The following PRR5 variants were observed in gnomAD, a reference collection of about 807,000 sequenced individuals.
The protein encoded by PRR5 is proline-rich protein 5.
A neutral mutation model predicts 30.6 loss-of-function variants in PRR5; 25 were observed. The ratio of observed to expected loss-of-function variants is 0.82; its 90% CI spans 0.60 to 1.14. The LOEUF is 1.14. Ranked by LOEUF, PRR5 falls within the 50% of genes most tolerant of loss-of-function variation. The pLI is 0.00. For synonymous variants in PRR5, 286 were observed against 247.1 expected (o/e 1.16, Z -1.48); for missense variants, 600 against 547.1 (o/e 1.10, Z -0.96).
chr22:44,719,966 C>T (rs1160857675), intron 2 of PRR5, among the ~76,000 whole-genome samples: 1 of 152,186 alleles, frequency 6.6e-6, no homozygotes, highest in Non-Finnish European at 1.5e-5. Flanking sequence ...CCAGGTATAC[C>T]CAGGCTGTCC....
chr22:44,674,657 G>C (rs136917), upstream of PRR5, among the ~76,000 whole-genome samples: 995 of 151,708 alleles, frequency 6.6e-3, 8 homozygotes, highest in Non-Finnish European at 0.01. Context: ...GGAGGCGGAG[G>C]TTGCAGTGAG....
chr22:44,706,573 G>A (rs1398529521), intron 1 of PRR5, among the ~76,000 whole-genome samples: 2 of 152,148 alleles, frequency 1.3e-5, no homozygotes, highest in East Asian at 1.9e-4. Context: ...TCTGTCACCC[G>A]GGCTGGAGTA....
At chr22:44,726,076 C>T (rs1920940557) in intron 3 of PRR5, among the ~76,000 whole-genome samples, 1 of 152,202 alleles carries the variant, frequency 6.6e-6, no homozygotes, top group Admixed American at 6.5e-5. Context: ...TGCTTCATTT[C>T]TTTGTGTGGA....
In PRR5 at chr22:44,736,864, C is replaced by G; in HGVS notation, c.784C>G (p.Pro262Ala). ...GAGCTACAACACGCCTCTGCTGAACCCCGTGCAGGAGCACGAGGCGGAGGG... is the reference window on the plus strand; with the variant it reads ...GAGCTACAACACGCCTCTGCTGAACGCCGTGCAGGAGCACGAGGCGGAGGG... ...SKSYNTPLLN[P>A]VQEHEAEGAA... The change falls in exon 8 of 8, where the codon CCC becomes GCC. Residue 262 changes from proline to alanine, a missense_variant. Pro to Ala is a conservative substitution (Grantham distance 27). Transcript: ENST00000336985. 2 of 1,609,298 alleles carry G rather than the reference C, an allele frequency of 1.2e-6. No homozygotes were observed. The highest frequency in any genetic ancestry group is 1.1e-5 in the South Asian group (1 of 90,922).
chr22:44,726,747 C>T lies in PRR5; in HGVS notation c.322+113C>T, dbSNP rs750672650. ...GGGTGCAAGGTGTGGCTCTCTGGTC[C>T]GGAGGGCTTGGAAGGAACACGTATA... On this transcript the variant is annotated intron_variant, in intron 4 of 7. Transcript: ENST00000336985. 191 of 1,515,808 alleles carry T rather than the reference C, an allele frequency of 1.3e-4. No homozygotes were observed. The East Asian group carries it at 1.4e-3, about 11-fold the overall frequency. The allele number at this position is 1,515,808 out of a possible 1,614,324, so 93.9% of individuals were successfully genotyped here. A position where few individuals can be genotyped will look rare whatever the true frequency, so the allele number is the denominator to read the frequency against.
At chr22:44,692,475 G>C (rs1397077508) in intron 1 of PRR5, among the ~76,000 whole-genome samples, 1 of 117,664 alleles carries the variant, frequency 8.5e-6, no homozygotes, top group African/African-American at 3.1e-5. Flanking sequence ...TCTTCCTCCC[G>C]GGGGCTCCTC....
upstream of PRR5, chr22:44,702,159 G>A (rs1306283526): frequency 1.4e-5 from 4 of 288,262 alleles, no homozygotes; most frequent in Non-Finnish European, 2.1e-5. Context: ...CCCGCCCCCC[G>A]GGGCGCCGAG....
At chr22:44,682,133 G>A (rs115948679) in intron 1 of PRR5, among the ~76,000 whole-genome samples, 1 of 152,184 alleles carries the variant, frequency 6.6e-6, no homozygotes, top group Admixed American at 6.5e-5. Flanking sequence ...AGCCCAATGA[G>A]GCAGGGAGGC....
intron 2 of PRR5, among the ~76,000 whole-genome samples, chr22:44,717,510 C>A (rs1221884794): frequency 1.3e-5 from 2 of 151,856 alleles, no homozygotes; most frequent in African/African-American, 4.8e-5. Context: ...ATTTTCATCA[C>A]CCCAGCAAGA....
At chr22:44,725,199 G>A (rs1930493500) in intron 2 of PRR5, 45 bp from the exon 3 acceptor site, 2 of 1,610,302 alleles carry the variant, frequency 1.2e-6, no homozygotes, top group East Asian at 4.5e-5. Context: ...CCATGCCAGT[G>A]CCGTGTGGTC....
intron 1 of PRR5, among the ~76,000 whole-genome samples, chr22:44,692,202 C>G (rs1478283570): frequency 7.1e-6 from 1 of 140,982 alleles, no homozygotes; most frequent in Non-Finnish European, 1.6e-5. Context: ...CTCCTCCTCC[C>G]ACGCTCCTCC....
At chr22:44,689,647 G>A (rs1381999163) in intron 1 of PRR5, among the ~76,000 whole-genome samples, 1 of 151,900 alleles carries the variant, frequency 6.6e-6, no homozygotes, top group East Asian at 1.9e-4. Context: ...TCATCTCAGA[G>A]TTTTGTTTTG....
chr22:44,725,292 G>A lies in PRR5; in HGVS notation c.264G>A (p.Gln88=). The A allele has an allele frequency of 6.2e-7, 1 of 1,613,390 alleles. No homozygotes were observed. Among genetic ancestry groups the A allele is most frequent in the Non-Finnish European group, 8.5e-7 (1 of 1,179,978 alleles). Residue 88 remains glutamine (Q), a splice_region_variant and synonymous_variant, in exon 3 of 8, where the codon CAG becomes CAA. Transcript: ENST00000336985. ...ELGSFFTEYL[Q]NQLLTKGMVI... ...GGTCCTTCTTCACGGAGTACCTGCA[G>A]GTAGGTGGGTCTTGCTCCAGCCAGG... is the stretch of plus-strand genomic sequence containing the variant.
intron 1 of PRR5, among the ~76,000 whole-genome samples, chr22:44,693,920 C>T (rs6007246): frequency 0.036 from 5,390 of 151,550 alleles, 131 homozygotes; most frequent in Non-Finnish European, 0.049. Context: ...TGAGCCACTG[C>T]GCCCTGCCCA....
At chr22:44,714,789 G>T in intron 2 of PRR5, 118 bp downstream of exon 2, 2 of 1,336,440 alleles carry the variant, frequency 1.5e-6, no homozygotes, top group East Asian at 2.5e-5. Flanking sequence ...TCCTCCCCTA[G>T]AGGCCATCTG....
At chr22:44,730,583 T>A in intron 4 of PRR5, 1 of 989,410 alleles carries the variant, frequency 1.0e-6, no homozygotes, top group South Asian at 4.6e-5. Context: ...CTGGTCCCGA[T>A]GTCTGCTACC....
chr22:44,722,663 A>T (rs535734641), intron 2 of PRR5, among the ~76,000 whole-genome samples: 1 of 152,332 alleles, frequency 6.6e-6, no homozygotes, highest in South Asian at 2.1e-4. Flanking sequence ...TCATGCAGTC[A>T]CTGTGTTTGG....
In PRR5 at chr22:44,726,576, G is replaced by T; in HGVS notation, c.265-1G>T. On this transcript the variant is annotated splice_acceptor_variant, in intron 3 of 7. Transcript: ENST00000336985. LOFTEE classifies it high-confidence loss of function. ...GACAGCCCCTCTGTGTTTACCTTCAGAACCAGCTGCTGACAAAAGGCATGG... is the reference window on the plus strand; with the variant it reads ...GACAGCCCCTCTGTGTTTACCTTCATAACCAGCTGCTGACAAAAGGCATGG... The T allele has an allele frequency of 6.2e-7, 1 of 1,614,068 alleles. No individual in the cohort carries two copies. Among genetic ancestry groups the T allele is most frequent in the Non-Finnish European group, 8.5e-7 (1 of 1,180,032 alleles).
At chr22:44,732,977 TAC>T (rs202020022) in intron 6 of PRR5, among the ~76,000 whole-genome samples, 2,957 of 148,532 alleles carry the variant, frequency 0.02, 55 homozygotes, top group Non-Finnish European at 0.03. Flanking sequence ...GCATACACAC[TAC>T]ACACATACAT....
Sources: gnomAD v4.1 joint callset for allele counts (sites outside exome capture counted in the v4.1 genomes callset) on GRCh38, gnomAD v4.1.1 for gene constraint, MANE v1.5 for transcripts, NCBI Gene and HGNC (gene_info 2026-07-23, HGNC 2026-07-21) for gene names.